PRDM5: variants seen among roughly 807,000 people sequenced by gnomAD.
The protein encoded by PRDM5 is PR/SET domain 5, also known as PR domain zinc finger protein 5.
Under a neutral mutation model 81.2 loss-of-function variants are expected in PRDM5, and 56 were observed. The ratio of observed to expected loss-of-function variants is 0.69; its 90% CI spans 0.56 to 0.86. PRDM5 has a LOEUF of 0.86. Ranked by LOEUF, PRDM5 falls within the 40% of genes least tolerant of loss-of-function variation. PRDM5 has a pLI of 0.00. For synonymous variants in PRDM5, 267 were observed against 256.4 expected (o/e 1.04, Z -0.39); for missense variants, 697 against 770.1 (o/e 0.91, Z 1.12).
At chr4:120,875,970 A>T (rs1762296044) in intron 2 of PRDM5, among the ~76,000 whole-genome samples, 1 of 152,222 alleles carries the variant, frequency 6.6e-6, no homozygotes, top group South Asian at 2.1e-4. Context: ...TTGTAAAATG[A>T]CAACTGGCTC....
rs183506557 is a variant in PRDM5, at chr4:120,873,937, C to T, written c.178-20397G>A. On this transcript the variant is annotated intron_variant, in intron 2 of 15. Coordinates refer to ENST00000264808, the MANE Select transcript of PRDM5 (RefSeq NM_018699.4). ...CTCATGCATTTTGGGCTATTATGTA[C>T]ACTTTATTAAATGTTTATCCAGTTT... is the stretch of plus-strand genomic sequence containing the variant. Among the ~76,000 whole-genome samples the T allele has an allele frequency of 8.5e-5, 13 of 152,154 alleles. No individual in the cohort carries two copies. In the East Asian group the frequency reaches 2.1e-3, roughly 25 times the overall value.
chr4:120,774,933 T>TGTAA (rs1747910110), intron 13 of PRDM5, among the ~76,000 whole-genome samples: 1 of 148,620 alleles, frequency 6.7e-6, no homozygotes, highest in Admixed American at 6.7e-5. Context: ...TATATATGTA[T>TGTAA]ATGTATATAT....
chr4:120,863,189 TATACACACAC>T (rs1760818703), intron 2 of PRDM5, among the ~76,000 whole-genome samples: 1 of 37,350 alleles, frequency 2.7e-5, no homozygotes. Context: ...TATATATATA[TATACACACAC>T]ACACACACAC....
At chr4:120,837,552 A>T (rs1757499460) in intron 3 of PRDM5, 1 of 152,242 alleles carries the variant, frequency 6.6e-6, no homozygotes, top group Non-Finnish European at 1.5e-5. Context: ...GTTGCATGTG[A>T]AATATTTGAA....
chr4:120,759,662 T>A (rs1745313364), intron 13 of PRDM5, among the ~76,000 whole-genome samples: 1 of 152,218 alleles, frequency 6.6e-6, no homozygotes, highest in Non-Finnish European at 1.5e-5. Context: ...AAACTTATCT[T>A]CAGTTTTAGT....
At chr4:120,815,358 A>C (rs1754348002) in intron 7 of PRDM5, among the ~76,000 whole-genome samples, 2 of 152,228 alleles carry the variant, frequency 1.3e-5, no homozygotes, top group South Asian at 4.1e-4. Flanking sequence ...ACACTGTAAA[A>C]GCCTAGTGAA....
chr4:120,782,160 C>T (rs900994096), intron 11 of PRDM5, among the ~76,000 whole-genome samples: 8 of 152,112 alleles, frequency 5.3e-5, no homozygotes, highest in African/African-American at 1.9e-4. Flanking sequence ...GCAATGAGAA[C>T]ACGATGTTTA....
intron 13 of PRDM5, among the ~76,000 whole-genome samples, chr4:120,763,618 G>A (rs2149185559): frequency 6.6e-6 from 1 of 152,308 alleles, no homozygotes; most frequent in Non-Finnish European, 1.5e-5. Flanking sequence ...TTAAGTCAAG[G>A]AAGAAATGTT....
At chr4:120,723,923 ATTTTTTTTT>A (rs70948360) in intron 14 of PRDM5, among the ~76,000 whole-genome samples, 7 of 81,252 alleles carry the variant, frequency 8.6e-5, no homozygotes, top group South Asian at 4.8e-4. Flanking sequence ...GATAGCTTGA[ATTTTTTTTT>A]TTTTTTTTTT....
chr4:120,855,610 T>C (rs1283904456), intron 2 of PRDM5, among the ~76,000 whole-genome samples: 1 of 152,190 alleles, frequency 6.6e-6, no homozygotes, highest in Non-Finnish European at 1.5e-5. Flanking sequence ...TTTGGCAGAG[T>C]AAACAAATAA....
chr4:120,843,627 G>GCT (rs2149398000), intron 3 of PRDM5, among the ~76,000 whole-genome samples: 1 of 151,216 alleles, frequency 6.6e-6, no homozygotes, highest in South Asian at 2.1e-4. Flanking sequence ...GGAGATGGAG[G>GCT]CTGCAATGAG....
chr4:120,755,186 TAA>T (rs1188768247), intron 13 of PRDM5, among the ~76,000 whole-genome samples: 1 of 152,224 alleles, frequency 6.6e-6, no homozygotes, highest in Non-Finnish European at 1.5e-5. Context: ...CTTTCTGATA[TAA>T]TCAAATATCT....
At chr4:120,803,233 G>A (rs1274841173) in intron 8 of PRDM5, among the ~76,000 whole-genome samples, 4 of 152,176 alleles carry the variant, frequency 2.6e-5, no homozygotes, top group African/African-American at 9.7e-5. Context: ...ACATCTGATT[G>A]TTGTACCTGA....
At chr4:120,819,917 T>A (rs1755037848) in intron 4 of PRDM5, among the ~76,000 whole-genome samples, 1 of 152,222 alleles carries the variant, frequency 6.6e-6, no homozygotes. Context: ...GGTGACAGAA[T>A]GTTCACACTT....
At chr4:120,900,832 A>G (rs1053371402) in intron 2 of PRDM5, among the ~76,000 whole-genome samples, 3 of 152,328 alleles carry the variant, frequency 2.0e-5, no homozygotes, top group Non-Finnish European at 2.9e-5. Flanking sequence ...TGCTTAAAAA[A>G]AAGTTTGTTT....
chr4:120,730,995 G>C (rs1248439010), intron 14 of PRDM5, among the ~76,000 whole-genome samples: 1 of 152,156 alleles, frequency 6.6e-6, no homozygotes, highest in Non-Finnish European at 1.5e-5. Flanking sequence ...GTGCAGATAA[G>C]ATACAAAAGC....
In PRDM5 at chr4:120,710,291, A is replaced by G. The variant is rs909126820; in HGVS notation, c.1728+18T>C. 77 of 1,605,888 alleles carry G rather than the reference A, an allele frequency of 4.8e-5. No individual in the cohort carries two copies. Among genetic ancestry groups the G allele is most frequent in the Non-Finnish European group, 6.5e-5 (76 of 1,173,494 alleles). Reference sequence around the variant, plus strand: ...CTGTTATTGGAAGACACTATGGGGGAAAAAAATCCAAACTCACATCACACT... The same window carrying G: ...CTGTTATTGGAAGACACTATGGGGGGAAAAAATCCAAACTCACATCACACT... On this transcript the variant is annotated intron_variant, in intron 15 of 15. Transcript: ENST00000264808.
intron 1 of PRDM5, among the ~76,000 whole-genome samples, chr4:120,911,280 T>A (rs1766477558): frequency 6.6e-6 from 1 of 152,214 alleles, no homozygotes; most frequent in Non-Finnish European, 1.5e-5. Flanking sequence ...AATTTGTGTG[T>A]GAAATCACTG....
intron 2 of PRDM5, among the ~76,000 whole-genome samples, chr4:120,889,364 C>T (rs189874393): frequency 5.1e-4 from 77 of 152,156 alleles, no homozygotes; most frequent in African/African-American, 1.7e-3. Context: ...TTGTCGACAA[C>T]AGTTTCTATT....
Sources: allele counts gnomAD v4.1 joint callset (sites outside exome capture counted in the v4.1 genomes callset), GRCh38; gene constraint gnomAD v4.1.1; transcripts MANE v1.5; gene names NCBI Gene and HGNC (gene_info 2026-07-23, HGNC 2026-07-21).